The following CRB1 variants were observed in gnomAD, a reference collection of about 807,000 sequenced individuals.
CRB1 encodes the protein crumbs cell polarity complex component 1.
CRB1 carries 83 observed loss-of-function variants against 120.0 expected under a neutral mutation model. The observed-to-expected ratio is 0.69, with a 90% CI of 0.58 to 0.83. CRB1 has a LOEUF of 0.83. Among genes scored for constraint, CRB1 ranks in the 40% least tolerant of loss-of-function variants. The pLI is 0.00. For missense variants in CRB1, 1,699 were observed against 1,687.6 expected (o/e 1.01, Z -0.12); for synonymous variants, 625 against 612.5 (o/e 1.02, Z -0.30).
Position 197,478,064 on chromosome 1 carries a change from T to C in CRB1, c.*185T>C, listed in dbSNP as rs1667279517. ...TCCGCTCGACACCATTGTTTTATTA[T>C]ATTATATCAGCCAATTGCAAAAAAA... On this transcript the variant is annotated 3_prime_UTR_variant, in exon 12 of 12. Coordinates refer to ENST00000367400, the MANE Select transcript of CRB1 (RefSeq NM_201253.3). 4.6e-6 allele frequency: 3 copies of C among 656,390 alleles called. No homozygotes were observed. Among genetic ancestry groups the C allele is most frequent in the Non-Finnish European group, 8.0e-6 (3 of 377,156 alleles). 40.7% of individuals were successfully genotyped at this position (656,390 alleles called of 1,614,324 possible).
At chr1:197,242,139 A>C in the CRB1 span, among the ~76,000 whole-genome samples, 1 of 152,090 alleles carries the variant, frequency 6.6e-6, no homozygotes, top group Non-Finnish European at 1.5e-5. Context: ...CTGCAGAGAC[A>C]ATTTGACTTC....
rs150522432 is a variant in CRB1 at position 197,297,670 on chromosome 1, T to C, written c.70+29188T>C. On this transcript the variant is annotated intron_variant, in intron 1 of 11. Coordinates refer to ENST00000367400, the MANE Select transcript of CRB1 (RefSeq NM_201253.3). ...TACGTAGCAAGTAGAGATCTGATGATTGAGGATCACCCAGGTGAGAGTCCA... is the reference window on the plus strand; with the variant it reads ...TACGTAGCAAGTAGAGATCTGATGACTGAGGATCACCCAGGTGAGAGTCCA... Among the ~76,000 whole-genome samples, 321 of 152,218 alleles carry C rather than the reference T, an allele frequency of 2.1e-3. 2 individuals are homozygous for C. Among genetic ancestry groups the C allele is most frequent in the African/African-American group, 7.2e-3 (299 of 41,540 alleles).
chr1:197,231,176 G>T, the CRB1 span, among the ~76,000 whole-genome samples: 1 of 152,048 alleles, frequency 6.6e-6, no homozygotes, highest in East Asian at 1.9e-4. Flanking sequence ...ACAGTTACAG[G>T]CATTATCTTA....
chr1:197,467,569 G>A (rs1336083636), intron 11 of CRB1, among the ~76,000 whole-genome samples: 4 of 152,042 alleles, frequency 2.6e-5, no homozygotes, highest in Non-Finnish European at 5.9e-5. Context: ...CATTTGGCAT[G>A]TCTTTTTAGT....
At chr1:197,471,805 C>T (rs1024975557) in intron 11 of CRB1, among the ~76,000 whole-genome samples, 2 of 152,184 alleles carry the variant, frequency 1.3e-5, no homozygotes, top group African/African-American at 4.8e-5. Context: ...CCGCTTCTAA[C>T]AATTCACTCA....
chr1:197,404,570 G>A (rs925240011), intron 5 of CRB1, among the ~76,000 whole-genome samples: 3 of 151,538 alleles, frequency 2.0e-5, no homozygotes, highest in Non-Finnish European at 2.9e-5. Context: ...TTATGGTTAA[G>A]CATTTTCTCC....
chr1:197,308,731 TG>T, intron 1 of CRB1, among the ~76,000 whole-genome samples: 1 of 151,826 alleles, frequency 6.6e-6, no homozygotes, highest in East Asian at 1.9e-4. Context: ...TTAATAAATA[TG>T]AACTATTATG....
At chr1:197,323,699 T>C (rs1470138200) in intron 1 of CRB1, among the ~76,000 whole-genome samples, 1 of 152,148 alleles carries the variant, frequency 6.6e-6, no homozygotes, top group Non-Finnish European at 1.5e-5. Context: ...GTTCTAAGGA[T>C]GACAAAGGGC....
intron 2 of CRB1, among the ~76,000 whole-genome samples, chr1:197,330,566 A>G (rs1658789757): frequency 6.6e-6 from 1 of 152,132 alleles, no homozygotes; most frequent in African/African-American, 2.4e-5. Flanking sequence ...TTCCCCCTGG[A>G]ATGTCCTTCC....
chr1:197,204,099 G>T, the CRB1 span, among the ~76,000 whole-genome samples: 1 of 152,162 alleles, frequency 6.6e-6, no homozygotes, highest in Non-Finnish European at 1.5e-5. Flanking sequence ...TCCAATCCAT[G>T]TTGCTGTGAA....
intron 1 of CRB1, among the ~76,000 whole-genome samples, chr1:197,271,018 G>T (rs1654876888): frequency 6.6e-6 from 1 of 152,004 alleles, no homozygotes; most frequent in African/African-American, 2.4e-5. Flanking sequence ...AACATAACAA[G>T]ACCTCATTTC....
At chr1:197,205,658 T>G in the CRB1 span, among the ~76,000 whole-genome samples, 2 of 152,328 alleles carry the variant, frequency 1.3e-5, no homozygotes, top group East Asian at 3.9e-4. Flanking sequence ...ACTAGTATTT[T>G]GTTGAGGATT....
At chr1:197,211,496 A>G in the CRB1 span, among the ~76,000 whole-genome samples, 1 of 152,324 alleles carries the variant, frequency 6.6e-6, no homozygotes, top group East Asian at 1.9e-4. Flanking sequence ...GTGTCCTCAC[A>G]TGGCAGAAGA....
intron 1 of CRB1, among the ~76,000 whole-genome samples, chr1:197,269,466 C>T (rs1386993377): frequency 6.6e-6 from 1 of 152,160 alleles, no homozygotes; most frequent in African/African-American, 2.4e-5. Context: ...CCAAGTCAAA[C>T]TTTAAACAAA....
At chr1:197,333,259 A>G (rs1163370543) in intron 2 of CRB1, among the ~76,000 whole-genome samples, 1 of 152,224 alleles carries the variant, frequency 6.6e-6, no homozygotes, top group East Asian at 1.9e-4. Context: ...TGATTCATGA[A>G]CTACAGAAAT....
chr1:197,236,556 G>A, the CRB1 span, among the ~76,000 whole-genome samples: 1 of 152,048 alleles, frequency 6.6e-6, no homozygotes, highest in East Asian at 1.9e-4. Flanking sequence ...GCACCATGTT[G>A]AATAAGAGAG....
At chr1:197,349,522 C>G (rs1222861441) in intron 4 of CRB1, among the ~76,000 whole-genome samples, 1 of 152,164 alleles carries the variant, frequency 6.6e-6, no homozygotes, top group African/African-American at 2.4e-5. Flanking sequence ...ATCTGTCTCT[C>G]TCTCCCCACT....
At chr1:197,368,233 A>C (rs1661184964) in intron 5 of CRB1, among the ~76,000 whole-genome samples, 1 of 152,186 alleles carries the variant, frequency 6.6e-6, no homozygotes, top group Admixed American at 6.5e-5. Flanking sequence ...TACAATTTCA[A>C]ATTTGAGAAT....
intron 1 of CRB1, among the ~76,000 whole-genome samples, chr1:197,314,294 A>G (rs1304480086): frequency 1.3e-5 from 2 of 152,202 alleles, no homozygotes; most frequent in Admixed American, 1.3e-4. Context: ...CTCTGGTTCC[A>G]ATGTACTGTT....
Sources: allele counts gnomAD v4.1 joint callset (sites outside exome capture counted in the v4.1 genomes callset), GRCh38; gene constraint gnomAD v4.1.1; transcripts MANE v1.5; gene names NCBI Gene and HGNC (gene_info 2026-07-23, HGNC 2026-07-21).